Variants in NR1D2 observed in about 807,000 individuals in gnomAD.
The protein encoded by NR1D2 is V-erbA-related protein 1-related.
In NR1D2, 25 loss-of-function variants were observed where a neutral mutation model predicts 52.2. That is an observed-to-expected ratio of 0.48 (90% CI 0.35 to 0.67). The LOEUF (loss-of-function observed/expected upper bound fraction) is 0.67, where lower values mean the gene tolerates loss of function less well. NR1D2 is among the 30% of genes least tolerant of loss of function. NR1D2 has a pLI of 0.01. For synonymous variants in NR1D2, 259 were observed against 230.1 expected (o/e 1.13, Z -1.14); for missense variants, 681 against 707.2 (o/e 0.96, Z 0.42).
chr3:23,974,257 A>G (rs1706666979), intron 7 of NR1D2, among the ~76,000 whole-genome samples: 1 of 152,134 alleles, frequency 6.6e-6, no homozygotes, highest in Non-Finnish European at 1.5e-5. Flanking sequence ...AAAGTATAGT[A>G]TAGTAAATAC....
chr3:23,968,867 G>A (rs1341734451), intron 7 of NR1D2, among the ~76,000 whole-genome samples: 1 of 152,136 alleles, frequency 6.6e-6, no homozygotes, highest in Non-Finnish European at 1.5e-5. Context: ...TTAGTATTTG[G>A]TTATGACTTT....
chr3:23,951,556 A>G (rs1320882617), intron 1 of NR1D2, among the ~76,000 whole-genome samples: 4 of 152,338 alleles, frequency 2.6e-5, no homozygotes, highest in Admixed American at 6.5e-5. Flanking sequence ...AGACAGCACA[A>G]TGGTTTTATC....
At chr3:23,955,914 A>G (rs913546553) in intron 2 of NR1D2, 123 bp from the exon 3 acceptor site, 3 of 612,830 alleles carry the variant, frequency 4.9e-6, no homozygotes, top group Non-Finnish European at 6.0e-6. Flanking sequence ...CTTTTACATT[A>G]TGAAAGTAGA....
At chr3:23,973,709 TTTATAAAC>T (rs1353750607) in intron 7 of NR1D2, among the ~76,000 whole-genome samples, 1 of 152,244 alleles carries the variant, frequency 6.6e-6, no homozygotes, top group Non-Finnish European at 1.5e-5. Context: ...TCTGTTTTAC[TTTATAAAC>T]TTAAATTTTT....
At chr3:23,960,908 CTG>C (rs960690745) in intron 4 of NR1D2, among the ~76,000 whole-genome samples, 10 of 152,138 alleles carry the variant, frequency 6.6e-5, no homozygotes, top group African/African-American at 2.4e-4. Flanking sequence ...TTTATTATCT[CTG>C]TGTAAATACT....
intron 1 of NR1D2, among the ~76,000 whole-genome samples, chr3:23,952,743 C>T (rs767817178): frequency 1.3e-4 from 19 of 147,030 alleles, no homozygotes; most frequent in African/African-American, 4.1e-4. Flanking sequence ...AAAAAAAAAT[C>T]GTGTCTGATG....
chr3:23,962,516 A>G lies in NR1D2; in HGVS notation c.1057A>G (p.Arg353Gly), dbSNP rs1575154096. ...CMNFSNAYTQ[R>G]VCDRVPIDGF... ...GAACTTCTCCAATGCTTATACTCAA[A>G]GAGTATGTGATAGAGTTCCGATAGA... is the stretch of plus-strand genomic sequence containing the variant. The change falls in exon 5 of 8, where the codon AGA (arginine) becomes GGA (glycine). Residue 353 changes from arginine (R) to glycine (G), a missense_variant. Transcript: ENST00000312521. 6.2e-7 allele frequency: 1 copy of G among 1,613,428 alleles called. No homozygotes were observed. The highest frequency in any genetic ancestry group is 2.2e-5 in the East Asian group (1 of 44,888).
chr3:23,945,756 C>G (rs562579895), intron 1 of NR1D2, among the ~76,000 whole-genome samples, 162 bp downstream of exon 1: 2 of 150,266 alleles, frequency 1.3e-5, no homozygotes, highest in African/African-American at 2.4e-5. Context: ...CATCGCCCCC[C>G]GGGCCGCCCG....
intron 1 of NR1D2, among the ~76,000 whole-genome samples, chr3:23,949,172 C>A (rs1178497993): frequency 6.6e-6 from 1 of 152,078 alleles, no homozygotes; most frequent in African/African-American, 2.4e-5. Flanking sequence ...TCGAGACCAG[C>A]CTGGCTAACA....
intron 4 of NR1D2, 80 bp downstream of exon 4, chr3:23,959,895 C>A: frequency 7.3e-7 from 1 of 1,375,490 alleles, no homozygotes; most frequent in Non-Finnish European, 9.8e-7. Flanking sequence ...GAGCTATAAA[C>A]CGGTTACCAA....
chr3:23,967,941 T>C lies in NR1D2; in HGVS notation c.1461T>C (p.Phe487=). 1 of 1,614,154 alleles carries C rather than the reference T, an allele frequency of 6.2e-7. No individual in the cohort carries two copies. ...MGAGDLLNSM[F]EFSEKLNALQ... is the part of the protein sequence containing the mutation. ...CAGGGGATCTGCTAAACTCTATGTT[T>C]GAATTTAGTGAGAAGCTAAATGCCC... Residue 487 remains phenylalanine (F), a synonymous_variant, in exon 7 of 8, where the codon TTT becomes TTC. Transcript: ENST00000312521.
intron 5 of NR1D2, among the ~76,000 whole-genome samples, chr3:23,962,985 T>C (rs1004994026): frequency 2.6e-5 from 4 of 152,132 alleles, no homozygotes; most frequent in Non-Finnish European, 5.9e-5. Flanking sequence ...CTTGCCATAG[T>C]TAGAAATTCT....
chr3:23,948,436 G>A (rs1320604065), intron 1 of NR1D2, among the ~76,000 whole-genome samples: 5 of 152,142 alleles, frequency 3.3e-5, no homozygotes, highest in African/African-American at 1.2e-4. Flanking sequence ...AGGGTTAAGA[G>A]ATTCAAAAGG....
intron 1 of NR1D2, among the ~76,000 whole-genome samples, chr3:23,951,594 A>G (rs1468728614): frequency 1.3e-5 from 2 of 152,220 alleles, no homozygotes; most frequent in East Asian, 3.8e-4. Context: ...CTAGGTTTCT[A>G]GGTTAAGTTG....
intron 7 of NR1D2, among the ~76,000 whole-genome samples, chr3:23,970,659 C>G (rs1294666482): frequency 2.0e-4 from 31 of 152,142 alleles, no homozygotes; most frequent in Admixed American, 2.0e-3. Flanking sequence ...ACAGTGCATT[C>G]TAATTTTTGT....
intron 1 of NR1D2, among the ~76,000 whole-genome samples, chr3:23,945,839 T>C (rs1052872611): frequency 1.7e-4 from 25 of 150,216 alleles, no homozygotes; most frequent in South Asian, 4.2e-4. Context: ...CCCCCTCACA[T>C]GGCCCGGCCG....
chr3:23,968,245 G>A (rs1053412645), intron 7 of NR1D2, among the ~76,000 whole-genome samples: 2 of 152,180 alleles, frequency 1.3e-5, no homozygotes, highest in South Asian at 4.1e-4. Context: ...TCTAGGCCTT[G>A]TGTTTACCAC....
chr3:23,969,916 G>A (rs1028640805), intron 7 of NR1D2, among the ~76,000 whole-genome samples: 4 of 152,154 alleles, frequency 2.6e-5, no homozygotes, highest in Admixed American at 2.6e-4. Flanking sequence ...GAGAGTACGA[G>A]ATAGGGCCGG....
At chr3:23,963,701 G>A (rs1479990512) in intron 5 of NR1D2, among the ~76,000 whole-genome samples, 2 of 151,820 alleles carry the variant, frequency 1.3e-5, no homozygotes, top group African/African-American at 2.4e-5. Context: ...CACCCACCTC[G>A]GCCTCCCAAA....
Sources: allele counts gnomAD v4.1 joint callset (sites outside exome capture counted in the v4.1 genomes callset), GRCh38; gene constraint gnomAD v4.1.1; transcripts MANE v1.5; gene names NCBI Gene and HGNC (gene_info 2026-07-23, HGNC 2026-07-21).